The following LGSN variants were observed in gnomAD, a reference collection of about 807,000 sequenced individuals.
LGSN encodes lengsin, lens protein with glutamine synthetase domain.
LGSN carries 21 observed loss-of-function variants against 19.5 expected under a neutral mutation model. That is an observed-to-expected ratio of 1.07 (90% CI 0.76 to 1.55). The LOEUF (loss-of-function observed/expected upper bound fraction) is 1.55. Ranked by LOEUF, LGSN falls within the 40% of genes most tolerant of loss-of-function variation. The pLI is 0.00. For missense variants in LGSN, 673 were observed against 608.5 expected (o/e 1.11, Z -1.12); for synonymous variants, 257 against 215.6 (o/e 1.19, Z -1.68).
chr6:63,437,034 CA>C, the LGSN span, among the ~76,000 whole-genome samples: 1 of 96,050 alleles, frequency 1.0e-5, no homozygotes, highest in Non-Finnish European at 1.9e-5. Flanking sequence ...AAGGCTCTGT[CA>C]AAAAAGAAAG....
At chr6:63,342,181 T>C in the LGSN span, among the ~76,000 whole-genome samples, 1 of 152,236 alleles carries the variant, frequency 6.6e-6, no homozygotes, top group South Asian at 2.1e-4. Flanking sequence ...TAGTTCAGTC[T>C]GTTACTCTTC....
At chr6:63,525,119 AGGT>A in the LGSN span, among the ~76,000 whole-genome samples, 9 of 152,218 alleles carry the variant, frequency 5.9e-5, no homozygotes, top group African/African-American at 2.2e-4. Context: ...GCTGTTTCAA[AGGT>A]GAAGATTTCT....
chr6:63,408,080 A>G, the LGSN span, among the ~76,000 whole-genome samples: 2 of 152,362 alleles, frequency 1.3e-5, no homozygotes, highest in Non-Finnish European at 2.9e-5. Context: ...GGAAGAATCA[A>G]TATCATGAAA....
chr6:63,344,602 G>T, the LGSN span, among the ~76,000 whole-genome samples: 1 of 152,306 alleles, frequency 6.6e-6, no homozygotes, highest in Non-Finnish European at 1.5e-5. Flanking sequence ...AAGCAGTTCT[G>T]AAGGCCTGGG....
At chr6:63,309,085 TAGAA>T (rs1212127214) in intron 1 of LGSN, among the ~76,000 whole-genome samples, 3 of 152,126 alleles carry the variant, frequency 2.0e-5, no homozygotes, top group Non-Finnish European at 4.4e-5. Flanking sequence ...TACGAGAAAG[TAGAA>T]AGAGTTAAAT....
At chr6:63,362,253 C>T in the LGSN span, among the ~76,000 whole-genome samples, 6 of 152,194 alleles carry the variant, frequency 3.9e-5, no homozygotes, top group Non-Finnish European at 2.9e-5. Flanking sequence ...ATGCCAAGAT[C>T]GCCAACTAGG....
chr6:63,415,234 T>C, the LGSN span, among the ~76,000 whole-genome samples: 7 of 152,206 alleles, frequency 4.6e-5, no homozygotes, highest in Admixed American at 4.6e-4. Flanking sequence ...GGTAGGAGAA[T>C]CTCTTGAACC....
At chr6:63,526,803 G>GTATATATATATATATA in the LGSN span, among the ~76,000 whole-genome samples, 402 of 101,330 alleles carry the variant, frequency 4.0e-3, 4 homozygotes, top group African/African-American at 0.012. Flanking sequence ...TCTCAAAAAT[G>GTATATATATATATATA]TATATATATA....
chr6:63,401,955 A>G, the LGSN span, among the ~76,000 whole-genome samples: 1 of 152,254 alleles, frequency 6.6e-6, no homozygotes, highest in Non-Finnish European at 1.5e-5. Flanking sequence ...CCCAGTGACG[A>G]GCAACTGTAA....
chr6:63,541,525 C>G, the LGSN span, among the ~76,000 whole-genome samples: 6 of 152,166 alleles, frequency 3.9e-5, no homozygotes, highest in Admixed American at 3.9e-4. Context: ...TGCACTCCAG[C>G]CTGGGCGACC....
chr6:63,558,901 TG>T, the LGSN span, among the ~76,000 whole-genome samples: 83 of 152,326 alleles, frequency 5.4e-4, no homozygotes, highest in Middle Eastern at 6.8e-3. Flanking sequence ...GTAGGATTGT[TG>T]TAAGAGTTAG....
At chr6:63,380,809 T>C in the LGSN span, among the ~76,000 whole-genome samples, 1 of 152,212 alleles carries the variant, frequency 6.6e-6, no homozygotes, top group Non-Finnish European at 1.5e-5. Flanking sequence ...AGAAACTTTA[T>C]GAAAATATGG....
chr6:63,549,071 C>T, the LGSN span: 15 of 716,238 alleles, frequency 2.1e-5, no homozygotes, highest in Admixed American at 2.9e-4. Context: ...TATTCTCTAG[C>T]AAGGTGGTGA....
chr6:63,547,806 C>G, the LGSN span, among the ~76,000 whole-genome samples: 1 of 152,126 alleles, frequency 6.6e-6, no homozygotes, highest in African/African-American at 2.4e-5. Context: ...CCACTGCGCC[C>G]GGCCCAGGGG....
the LGSN span, among the ~76,000 whole-genome samples, chr6:63,465,945 T>C: frequency 2.0e-5 from 3 of 152,216 alleles, no homozygotes; most frequent in Non-Finnish European, 4.4e-5. Flanking sequence ...TAGATCATAT[T>C]GTGCCTATGA....
At chr6:63,495,121 T>A in the LGSN span, among the ~76,000 whole-genome samples, 7 of 152,260 alleles carry the variant, frequency 4.6e-5, no homozygotes, top group African/African-American at 1.7e-4. Context: ...ATAGATTTTA[T>A]AGATTATTAT....
the LGSN span, among the ~76,000 whole-genome samples, chr6:63,352,815 T>C: frequency 2.0e-5 from 3 of 152,084 alleles, no homozygotes; most frequent in Admixed American, 6.6e-5. Flanking sequence ...GGTGGTTGAA[T>C]TAGATAAGAG....
At chr6:63,526,115 A>G in the LGSN span, among the ~76,000 whole-genome samples, 2 of 151,706 alleles carry the variant, frequency 1.3e-5, no homozygotes, top group Non-Finnish European at 2.9e-5. Context: ...ACCTGAAGTC[A>G]GGAGTTCAAG....
the LGSN span, chr6:63,548,721 G>A: frequency 3.1e-6 from 2 of 643,054 alleles, no homozygotes; most frequent in Non-Finnish European, 5.6e-6. Context: ...ACCCAGCTTA[G>A]TTGCAAGTTC....
Sources: allele counts gnomAD v4.1 joint callset (sites outside exome capture counted in the v4.1 genomes callset), GRCh38; gene constraint gnomAD v4.1.1; transcripts MANE v1.5; gene names NCBI Gene and HGNC (gene_info 2026-07-23, HGNC 2026-07-21).